The following DCHS2 variants were observed in gnomAD, a reference collection of about 807,000 sequenced individuals.
DCHS2 encodes protocadherin-23.
Under a neutral mutation model 182.4 loss-of-function variants are expected in DCHS2, and 142 were observed. The observed-to-expected ratio is 0.78, with a 90% CI of 0.68 to 0.89. The LOEUF (loss-of-function observed/expected upper bound fraction) is 0.89, where lower values mean the gene tolerates loss of function less well. Among genes scored for constraint, DCHS2 ranks in the 40% least tolerant of loss-of-function variants. The pLI, the probability that DCHS2 is intolerant of heterozygous loss-of-function variation, is 0.00. For synonymous variants in DCHS2, 1,740 were observed against 1,663.3 expected (o/e 1.05, Z -1.12); for missense variants, 4,319 against 4,198.6 (o/e 1.03, Z -0.79).
At chr4:154,242,034 T>A (rs1234721607) in intron 17 of DCHS2, among the ~76,000 whole-genome samples, 1 of 152,156 alleles carries the variant, frequency 6.6e-6, no homozygotes, top group Non-Finnish European at 1.5e-5. Flanking sequence ...AGACTTAGGT[T>A]ATGTTTCCCC....
At chr4:154,462,710 G>A (rs4696577) in intron 1 of DCHS2, among the ~76,000 whole-genome samples, 139,430 of 152,164 alleles carry the variant, frequency 0.92, 65,139 homozygotes, top group East Asian at 1. Context: ...CATATAACCA[G>A]AAAGCATTAA....
At chr4:154,410,273 GA>G (rs369846272) in intron 1 of DCHS2, among the ~76,000 whole-genome samples, 2 of 151,114 alleles carry the variant, frequency 1.3e-5, no homozygotes, top group African/African-American at 4.9e-5. Context: ...ATAAAATCAA[GA>G]AAAAAATTGA....
At chr4:154,257,560 G>A (rs529230446) in intron 15 of DCHS2, among the ~76,000 whole-genome samples, 2 of 152,314 alleles carry the variant, frequency 1.3e-5, no homozygotes, top group East Asian at 3.9e-4. Flanking sequence ...CGGGATGGGA[G>A]TGGGAGGCAG....
intron 16 of DCHS2, among the ~76,000 whole-genome samples, chr4:154,248,496 A>G (rs947894530): frequency 3.3e-5 from 5 of 152,176 alleles, no homozygotes; most frequent in Non-Finnish European, 4.4e-5. Context: ...TACACTCTAT[A>G]CACTATTTGA....
At chr4:154,460,088 C>CCTAT (rs949663031) in intron 1 of DCHS2, among the ~76,000 whole-genome samples, 2 of 152,128 alleles carry the variant, frequency 1.3e-5, no homozygotes, top group Non-Finnish European at 2.9e-5. Context: ...GAATTAATAC[C>CCTAT]CTATCTATGA....
intron 14 of DCHS2, among the ~76,000 whole-genome samples, chr4:154,265,211 A>G (rs555527275): frequency 6.6e-6 from 1 of 152,322 alleles, no homozygotes; most frequent in South Asian, 2.1e-4. Flanking sequence ...ACCGTCAGGA[A>G]AAGCATTTTT....
rs201953004 is a variant in DCHS2, at chr4:154,415,934, T to G, written c.2053-38490A>C. ...TTAAATATTTTTATCTTATATATTTTAAATTCATATTTTATCTTCTATATT... is the reference window on the plus strand; with the variant it reads ...TTAAATATTTTTATCTTATATATTTGAAATTCATATTTTATCTTCTATATT... On this transcript the variant is annotated intron_variant, in intron 1 of 19. Coordinates refer to ENST00000357232, the MANE Select transcript of DCHS2 (RefSeq NM_001358235.2). 9.6e-4 allele frequency among the ~76,000 whole-genome samples: 146 copies of G among 152,216 alleles called. 5 individuals carry two copies. In the East Asian group the frequency reaches 0.021, roughly 21 times the overall value.
chr4:154,458,569 C>T (rs1015818655), intron 1 of DCHS2, among the ~76,000 whole-genome samples: 2 of 152,092 alleles, frequency 1.3e-5, no homozygotes, highest in African/African-American at 2.4e-5. Flanking sequence ...TTCTAAAAGT[C>T]GATGAGCTCA....
At chr4:154,476,172 A>G (rs1735671897) in intron 1 of DCHS2, among the ~76,000 whole-genome samples, 1 of 152,228 alleles carries the variant, frequency 6.6e-6, no homozygotes, top group African/African-American at 2.4e-5. Flanking sequence ...TTTTTTCATA[A>G]CAATGAGAAA....
At chr4:154,336,971 C>T (rs553291383) in intron 3 of DCHS2, among the ~76,000 whole-genome samples, 1 of 152,240 alleles carries the variant, frequency 6.6e-6, no homozygotes, top group South Asian at 2.1e-4. Context: ...AGGATAAACA[C>T]TCTTTATTAG....
intron 1 of DCHS2, among the ~76,000 whole-genome samples, chr4:154,383,413 A>G (rs1346926872): frequency 1.3e-5 from 2 of 152,232 alleles, no homozygotes; most frequent in African/African-American, 4.8e-5. Context: ...AAACCTCAGC[A>G]TCACACAATA....
chr4:154,402,072 T>A (rs1432238558), intron 1 of DCHS2, among the ~76,000 whole-genome samples: 2 of 152,218 alleles, frequency 1.3e-5, no homozygotes, highest in Non-Finnish European at 2.9e-5. Flanking sequence ...CAAATTAATT[T>A]TCATGTACAG....
chr4:154,358,305 T>C (rs948377121), intron 3 of DCHS2, among the ~76,000 whole-genome samples: 2 of 152,210 alleles, frequency 1.3e-5, no homozygotes, highest in African/African-American at 4.8e-5. Flanking sequence ...TCAAGTTCCA[T>C]CTTATTTATG....
chr4:154,325,319 G>T (rs879501102), intron 7 of DCHS2, among the ~76,000 whole-genome samples: 1 of 70,432 alleles, frequency 1.4e-5, no homozygotes, highest in Non-Finnish European at 3.5e-5. Context: ...TTATAGCCGT[G>T]TGTGTGTGTG....
intron 13 of DCHS2, among the ~76,000 whole-genome samples, chr4:154,293,377 T>TC (rs1219837770): frequency 2.0e-5 from 3 of 152,106 alleles, no homozygotes; most frequent in Non-Finnish European, 4.4e-5. Flanking sequence ...AGATGGGGTT[T>TC]CTCCATGTTG....
At chr4:154,451,722 A>G (rs565500242) in intron 1 of DCHS2, among the ~76,000 whole-genome samples, 3 of 151,508 alleles carry the variant, frequency 2.0e-5, no homozygotes, top group Admixed American at 6.6e-5. Context: ...AACTTCAAAT[A>G]CTGCTTCTGG....
chr4:154,396,052 TGAGTTTAG>T (rs1197702699), intron 1 of DCHS2, among the ~76,000 whole-genome samples: 2 of 152,206 alleles, frequency 1.3e-5, no homozygotes, highest in Non-Finnish European at 2.9e-5. Context: ...TACAGCATCC[TGAGTTTAG>T]GAGAAGAAAT....
intron 13 of DCHS2, among the ~76,000 whole-genome samples, chr4:154,278,517 T>C (rs1733974648): frequency 2.0e-5 from 3 of 151,828 alleles, no homozygotes; most frequent in African/African-American, 7.3e-5. Flanking sequence ...TCCATATTCA[T>C]GATACTTAAA....
intron 1 of DCHS2, among the ~76,000 whole-genome samples, chr4:154,474,242 G>A (rs1403155421): frequency 6.6e-6 from 1 of 152,144 alleles, no homozygotes; most frequent in Non-Finnish European, 1.5e-5. Flanking sequence ...CATCTTCAGA[G>A]CGTTAACTTA....
Sources: gnomAD v4.1 joint callset for allele counts (sites outside exome capture counted in the v4.1 genomes callset) on GRCh38, gnomAD v4.1.1 for gene constraint, MANE v1.5 for transcripts, NCBI Gene and HGNC (gene_info 2026-07-23, HGNC 2026-07-21) for gene names.